Variants in SERGEF observed in about 807,000 individuals in gnomAD.
The protein encoded by SERGEF is secretion regulating guanine nucleotide exchange factor.
Under a neutral mutation model 50.0 loss-of-function variants are expected in SERGEF, and 51 were observed. That is an observed-to-expected ratio of 1.02 (90% CI 0.81 to 1.29). The LOEUF is 1.29. Among genes scored for constraint, SERGEF ranks in the 50% most tolerant of loss-of-function variants. The pLI is 0.00. For missense variants in SERGEF, 521 were observed against 557.0 expected (o/e 0.94, Z 0.65); for synonymous variants, 205 against 212.4 (o/e 0.97, Z 0.30).
chr11:17,965,050 C>A (rs1367436099), intron 8 of SERGEF, among the ~76,000 whole-genome samples: 1 of 152,206 alleles, frequency 6.6e-6, no homozygotes, highest in Non-Finnish European at 1.5e-5. Context: ...CTCCACAAGG[C>A]CTCTGATATG....
intron 10 of SERGEF, chr11:17,846,651 A>G (rs1350535421): frequency 2.5e-6 from 1 of 402,680 alleles, no homozygotes; most frequent in Non-Finnish European, 5.0e-6. Flanking sequence ...GGATTCAAAA[A>G]TGGCTCCATG....
intron 9 of SERGEF, among the ~76,000 whole-genome samples, chr11:17,899,682 G>A (rs532976995): frequency 2.0e-5 from 3 of 152,152 alleles, no homozygotes; most frequent in Non-Finnish European, 4.4e-5. Flanking sequence ...GCCAGGTATG[G>A]TGGCTCACAC....
chr11:17,862,773 G>A (rs1850949325), intron 10 of SERGEF, among the ~76,000 whole-genome samples: 1 of 152,186 alleles, frequency 6.6e-6, no homozygotes, highest in Non-Finnish European at 1.5e-5. Context: ...GCTAGTGCCT[G>A]TCTAAGGAAG....
At chr11:17,846,630 A>G (rs1850615738) in intron 10 of SERGEF, 4 of 448,260 alleles carry the variant, frequency 8.9e-6, no homozygotes, top group Non-Finnish European at 1.8e-5. Context: ...TCAGCACTGA[A>G]GTCTCTCACA....
intron 8 of SERGEF, among the ~76,000 whole-genome samples, chr11:17,980,594 C>G (rs530466100): frequency 7.2e-5 from 11 of 152,100 alleles, no homozygotes; most frequent in Admixed American, 1.3e-4. Context: ...TTCTTTTTTT[C>G]TTTCAACAAA....
At chr11:17,993,106 C>G in intron 6 of SERGEF, 113 bp from the exon 7 acceptor site, 1 of 787,268 alleles carries the variant, frequency 1.3e-6, no homozygotes, top group Non-Finnish European at 2.1e-6. Context: ...CCAGTGCAGG[C>G]AGGCCTGAGT....
At chr11:17,986,967 CCTCA>C (rs1466157815) in intron 8 of SERGEF, among the ~76,000 whole-genome samples, 1 of 152,110 alleles carries the variant, frequency 6.6e-6, no homozygotes, top group African/African-American at 2.4e-5. Context: ...ATAAAAAGAC[CCTCA>C]CTATTTGTAT....
chr11:17,976,938 A>C (rs1489168237), intron 8 of SERGEF, among the ~76,000 whole-genome samples: 1 of 152,230 alleles, frequency 6.6e-6, no homozygotes, highest in African/African-American at 2.4e-5. Context: ...AGCTGGTCTT[A>C]AAACGCTGGG....
intron 10 of SERGEF, among the ~76,000 whole-genome samples, chr11:17,836,704 T>A (rs1206907046): frequency 1.3e-5 from 2 of 152,224 alleles, no homozygotes; most frequent in East Asian, 3.8e-4. Context: ...TCAAGTGTTA[T>A]TCCCTTTTCT....
intron 10 of SERGEF, among the ~76,000 whole-genome samples, chr11:17,811,453 G>T (rs1220712578): frequency 6.6e-6 from 1 of 152,216 alleles, no homozygotes; most frequent in Non-Finnish European, 1.5e-5. Flanking sequence ...AAGGCTCCAA[G>T]CTAAGAAGCC....
At chr11:18,000,290 A>C (rs996903729) in intron 5 of SERGEF, among the ~76,000 whole-genome samples, 1 of 152,072 alleles carries the variant, frequency 6.6e-6, no homozygotes, top group Non-Finnish European at 1.5e-5. Context: ...TCTACAAAAA[A>C]TCTTAAAAAT....
Position 18,012,984 on chromosome 11 carries a change from C to A in SERGEF, c.27G>T (p.Glu9Asp), listed in dbSNP as rs1334403233. 25 of 1,463,416 alleles carry A rather than the reference C, an allele frequency of 1.7e-5. No individual in the cohort carries two copies. The highest frequency in any genetic ancestry group is 2.1e-5 in the Non-Finnish European group (24 of 1,117,520). The allele number at this position is 1,463,416 out of a possible 1,614,324, so 90.7% of individuals were successfully genotyped here. MEREPSASEAAPAAAALFA... is the reference protein window; with the variant it reads MEREPSASDAAPAAAALFA... ...AGAGCGCGGCCGCCGCGGGGGCGGC[C>A]TCCGAGGCGCTGGGCTCGCGCTCCA... is the stretch of plus-strand genomic sequence containing the variant. Residue 9 changes from glutamate to aspartate, a missense_variant, in exon 1 of 11, where the codon GAG becomes GAT. Transcript: ENST00000265965.
chr11:17,930,002 A>T (rs1852322998), intron 9 of SERGEF, among the ~76,000 whole-genome samples: 1 of 152,216 alleles, frequency 6.6e-6, no homozygotes, highest in Admixed American at 6.5e-5. Flanking sequence ...ACAAATGAAC[A>T]AACTGGGATT....
intron 10 of SERGEF, among the ~76,000 whole-genome samples, chr11:17,830,163 A>T (rs1005627934): frequency 1.3e-5 from 2 of 152,228 alleles, no homozygotes; most frequent in Non-Finnish European, 2.9e-5. Flanking sequence ...GAACACTCAC[A>T]TTGATCTCCA....
At chr11:17,962,234 T>C (rs2133973667) in intron 8 of SERGEF, among the ~76,000 whole-genome samples, 1 of 152,270 alleles carries the variant, frequency 6.6e-6, no homozygotes, top group African/African-American at 2.4e-5. Context: ...CCATCCAGCT[T>C]TCCTCACTAG....
At chr11:18,008,112 G>A in intron 1 of SERGEF, 36 bp from the exon 2 acceptor site, 1 of 1,598,710 alleles carries the variant, frequency 6.3e-7, no homozygotes, top group Non-Finnish European at 8.5e-7. Flanking sequence ...AAAAGTGTGG[G>A]AACCACAACT....
At position 17,996,666 on chromosome 11, in the gene SERGEF, G is replaced by A. The variant is rs993113697; in HGVS notation, c.509-757C>T. Among the ~76,000 whole-genome samples, 9 of 152,242 alleles carry A rather than the reference G, an allele frequency of 5.9e-5. No individual in the cohort carries two copies. In the South Asian group the frequency reaches 6.2e-4, roughly 11 times the overall value. On this transcript the variant is annotated intron_variant, in intron 5 of 10. Transcript: ENST00000265965. Reference sequence around the variant, plus strand: ...GCAACATTAAGGTTCTGCTCCTTTGGGAGTATCCTATAAACAGCAGTCCTT... The same window carrying A: ...GCAACATTAAGGTTCTGCTCCTTTGAGAGTATCCTATAAACAGCAGTCCTT...
chr11:17,934,856 T>C (rs986455264), intron 9 of SERGEF, among the ~76,000 whole-genome samples: 5 of 152,190 alleles, frequency 3.3e-5, no homozygotes, highest in Admixed American at 2.6e-4. Context: ...ACGTCACATC[T>C]TTTTTTCATT....
intron 8 of SERGEF, among the ~76,000 whole-genome samples, chr11:17,986,132 G>A (rs117023284): frequency 0.015 from 2,303 of 152,216 alleles, 22 homozygotes; most frequent in Non-Finnish European, 0.024. Flanking sequence ...ATAACTCCTT[G>A]TTCCACTAAT....
Sources: allele counts gnomAD v4.1 joint callset (sites outside exome capture counted in the v4.1 genomes callset), GRCh38; gene constraint gnomAD v4.1.1; transcripts MANE v1.5; gene names NCBI Gene and HGNC (gene_info 2026-07-23, HGNC 2026-07-21).